NEK11: variants seen among roughly 807,000 people sequenced by gnomAD.
NEK11 encodes serine/threonine-protein kinase Nek11.
Under a neutral mutation model 80.7 loss-of-function variants are expected in NEK11, and 72 were observed. The observed-to-expected ratio is 0.89, with a 90% CI of 0.74 to 1.08. The LOEUF is 1.08. Ranked by LOEUF, NEK11 falls within the 50% of genes least tolerant of loss-of-function variation. NEK11 has a pLI of 0.00. For missense variants in NEK11, 764 were observed against 763.6 expected, an observed-to-expected ratio of 1.00 and a Z score of -0.01; for synonymous variants, 251 against 260.7, an observed-to-expected ratio of 0.96 and a Z score of 0.36.
intron 7 of NEK11, among the ~76,000 whole-genome samples, chr3:131,135,386 A>C (rs1349033965): frequency 6.6e-6 from 1 of 152,174 alleles, no homozygotes; most frequent in African/African-American, 2.4e-5. Flanking sequence ...TACCACATCC[A>C]AAAGAAAAAG....
intron 3 of NEK11, among the ~76,000 whole-genome samples, chr3:131,031,874 G>A (rs2064904896): frequency 1.3e-5 from 2 of 152,138 alleles, no homozygotes; most frequent in South Asian, 4.1e-4. Flanking sequence ...TTCATCATCA[G>A]AATCTAAAAC....
intron 3 of NEK11, among the ~76,000 whole-genome samples, chr3:131,064,666 T>C (rs777024486): frequency 6.6e-5 from 10 of 152,172 alleles, no homozygotes; most frequent in Non-Finnish European, 1.3e-4. Context: ...TCTGGGGATA[T>C]ACTAAAAGCT....
chr3:131,311,688 C>T (rs1200478634), intron 17 of NEK11, among the ~76,000 whole-genome samples: 1 of 152,184 alleles, frequency 6.6e-6, no homozygotes. Flanking sequence ...AGAAGTGTTA[C>T]AGAGTGTGCT....
chr3:131,349,353 G>A (rs1281833793), intron 17 of NEK11, among the ~76,000 whole-genome samples: 1 of 152,036 alleles, frequency 6.6e-6, no homozygotes, highest in Non-Finnish European at 1.5e-5. Flanking sequence ...TTCCTTGAAG[G>A]GTACCTGGCA....
At chr3:131,318,607 T>A (rs1441455028) in intron 17 of NEK11, among the ~76,000 whole-genome samples, 1 of 151,990 alleles carries the variant, frequency 6.6e-6, no homozygotes, top group Non-Finnish European at 1.5e-5. Flanking sequence ...TAAAAAGAAG[T>A]GAGAAAGATC....
At chr3:131,258,967 C>A (rs2095864966) in intron 16 of NEK11, among the ~76,000 whole-genome samples, 1 of 152,052 alleles carries the variant, frequency 6.6e-6, no homozygotes, top group East Asian at 1.9e-4. Context: ...TGCCTTGGGT[C>A]TTTTGTAGCA....
At chr3:131,165,267 G>T in intron 11 of NEK11, 159 bp from the exon 12 acceptor site, 1 of 578,602 alleles carries the variant, frequency 1.7e-6, no homozygotes, top group East Asian at 2.9e-5. Context: ...AATCAGCCGG[G>T]TGCTGCACCA....
chr3:131,325,066 T>C (rs2096944557), intron 17 of NEK11: 4 of 152,204 alleles, frequency 2.6e-5, no homozygotes, highest in African/African-American at 7.2e-5. Context: ...TATTTTGTGG[T>C]TTATGATACA....
intron 17 of NEK11, among the ~76,000 whole-genome samples, chr3:131,334,024 CTT>C (rs1320533327): frequency 6.6e-6 from 1 of 152,120 alleles, no homozygotes; most frequent in African/African-American, 2.4e-5. Flanking sequence ...TAATGGGAGA[CTT>C]TAACACCCCA....
intron 3 of NEK11, among the ~76,000 whole-genome samples, chr3:131,076,858 A>G (rs1281131110): frequency 1.3e-5 from 2 of 152,186 alleles, no homozygotes; most frequent in African/African-American, 4.8e-5. Context: ...AAAAACTCAA[A>G]AGACATGTGT....
At chr3:131,331,879 GAT>G (rs1330158611) in intron 17 of NEK11, among the ~76,000 whole-genome samples, 90 of 152,344 alleles carry the variant, frequency 5.9e-4, no homozygotes, top group African/African-American at 2.0e-3. Context: ...AGCGGTCTGA[GAT>G]CAAACTGCAA....
intron 16 of NEK11, among the ~76,000 whole-genome samples, chr3:131,269,900 T>G (rs2096145808): frequency 6.6e-6 from 1 of 152,224 alleles, no homozygotes; most frequent in Non-Finnish European, 1.5e-5. Context: ...GAGTGAAAGC[T>G]GATAACACAG....
At chr3:131,315,418 C>T (rs1447388781) in intron 17 of NEK11, among the ~76,000 whole-genome samples, 10 of 152,060 alleles carry the variant, frequency 6.6e-5, no homozygotes, top group African/African-American at 2.2e-4. Flanking sequence ...AGTTCATCCA[C>T]GCTGTCACAA....
At chr3:131,338,726 A>C (rs1258195100) in intron 17 of NEK11, among the ~76,000 whole-genome samples, 1 of 152,226 alleles carries the variant, frequency 6.6e-6, no homozygotes, top group Non-Finnish European at 1.5e-5. Flanking sequence ...ATGTTAATTG[A>C]AAGGCACCAG....
chr3:131,123,592 C>T (rs1470386477), intron 5 of NEK11, among the ~76,000 whole-genome samples: 2 of 152,000 alleles, frequency 1.3e-5, no homozygotes, highest in East Asian at 3.9e-4. Flanking sequence ...TATTGTATGC[C>T]TTATTCTTAA....
At chr3:131,148,386 G>A (rs1231217104) in intron 7 of NEK11, among the ~76,000 whole-genome samples, 4 of 151,922 alleles carry the variant, frequency 2.6e-5, no homozygotes, top group African/African-American at 9.7e-5. Flanking sequence ...CTGGTCTTAC[G>A]AAATGAAGAG....
intron 16 of NEK11, among the ~76,000 whole-genome samples, chr3:131,248,089 T>G (rs1201397380): frequency 1.3e-5 from 2 of 152,136 alleles, no homozygotes; most frequent in Admixed American, 1.3e-4. Context: ...TATTTATTTT[T>G]CTCTTGCTTG....
intron 17 of NEK11, among the ~76,000 whole-genome samples, chr3:131,292,204 T>C (rs2096550943): frequency 6.6e-6 from 1 of 152,222 alleles, no homozygotes; most frequent in Non-Finnish European, 1.5e-5. Context: ...TTGCCTTTTG[T>C]TATCTGTCAA....
chr3:131,310,071 GA>G (rs1036215766), intron 17 of NEK11, among the ~76,000 whole-genome samples: 1 of 121,592 alleles, frequency 8.2e-6, no homozygotes, highest in African/African-American at 3.1e-5. Flanking sequence ...TTTTTCTATC[GA>G]AAAAAAAGAC....
Sources: allele counts gnomAD v4.1 joint callset (sites outside exome capture counted in the v4.1 genomes callset), GRCh38; gene constraint gnomAD v4.1.1; transcripts MANE v1.5; gene names NCBI Gene and HGNC (gene_info 2026-07-23, HGNC 2026-07-21).